Variants in EXOC8 observed in about 807,000 individuals in gnomAD.
EXOC8 encodes the protein exocyst complex component 8, also known as exocyst complex 84 kDa subunit.
EXOC8 carries 19 observed loss-of-function variants against 50.8 expected under a neutral mutation model. The ratio of observed to expected loss-of-function variants is 0.37; its 90% CI spans 0.26 to 0.55. The LOEUF is 0.55. EXOC8 is among the 20% of genes least tolerant of loss of function. The probability of loss-of-function intolerance (pLI) is 0.80; values close to 1 mark genes in which losing one functional copy is unlikely to be tolerated. For synonymous variants in EXOC8, 384 were observed against 367.9 expected (o/e 1.04, Z -0.50); for missense variants, 781 against 915.8 (o/e 0.85, Z 1.90).
chr1:231,336,353 TAAA>T lies in EXOC8; in HGVS notation c.1390_1392del (p.Phe464del). The stretch of plus-strand genomic sequence containing the variant: ...TCTCTTGCAGTCTCGAGAAGGCTGG[TAAA>T]GAAGACATGGCACAGCTTATGAATA... On this transcript the variant is annotated inframe_deletion, in exon 1 of 1. Coordinates refer to ENST00000366645, the MANE Select transcript of EXOC8 (RefSeq NM_175876.5). The surrounding 1 kb of genome is among the most constrained non-coding windows in gnomAD (Gnocchi z 5.4). 5 of 1,614,074 alleles carry T rather than the reference TAAA, an allele frequency of 3.1e-6. No homozygotes were observed. Among genetic ancestry groups the T allele is most frequent in the Non-Finnish European group, 3.4e-6 (4 of 1,180,038 alleles).
rs1392324110 is a variant in EXOC8 at position 231,337,838 on chromosome 1, T to G, written c.-93A>C. 2.0e-6 allele frequency: 3 copies of G among 1,470,098 alleles called. No individual in the cohort carries two copies. In the African/African-American group the frequency reaches 4.3e-5, roughly 21 times the overall value. 91.1% of individuals were successfully genotyped at this position (1,470,098 alleles called of 1,614,324 possible). A position where few individuals can be genotyped will look rare whatever the true frequency, so the allele number is the denominator to read the frequency against. On this transcript the variant is annotated 5_prime_UTR_variant, in exon 1 of 1. Coordinates refer to ENST00000366645, the MANE Select transcript of EXOC8 (RefSeq NM_175876.5). The surrounding 1 kb of genome is among the most constrained non-coding windows in gnomAD (Gnocchi z 5.9). ...CCCAAGGCCAACCGAGCTCCTGGGC[T>G]GAGGAAGCAGGAATGGGAACGAGAC... is the stretch of plus-strand genomic sequence containing the variant.
Position 231,336,681 on chromosome 1 carries a change from C to T in EXOC8, c.1065G>A (p.Gly355=). The change falls in exon 1 of 1, where the codon GGG becomes GGA. Residue 355 remains glycine, a synonymous_variant. Transcript: ENST00000366645. The surrounding 1 kb of genome is among the most constrained non-coding windows in gnomAD (Gnocchi z 5.4). ...TCAATTTATCCAGCAGGTCAACCGCCCCTTCAAAGTCTCTCTGCGCAATGC... is the reference window on the plus strand; with the variant it reads ...TCAATTTATCCAGCAGGTCAACCGCTCCTTCAAAGTCTCTCTGCGCAATGC... ...DVCIAQRDFE[G]AVDLLDKLNH... 1 of 1,614,214 alleles carries T rather than the reference C, an allele frequency of 6.2e-7. No individual in the cohort carries two copies.
At position 231,336,730 on chromosome 1, in the gene EXOC8, T is replaced by C; in HGVS notation, c.1016A>G (p.Glu339Gly). The stretch of plus-strand genomic sequence containing the variant: ...GCAGACATCCAGGTCTTCAGGTAAC[T>C]CCTGGATCCATTCCATGGAGAGGTC... ...KVDLSMEWIQ[E>G]LPEDLDVCIA... The change falls in exon 1 of 1, where the codon GAG (glutamate) becomes GGG (glycine). Residue 339 changes from glutamate to glycine, a missense_variant. By Grantham distance (98) the Glu-to-Gly change is moderately conservative. Around this residue, in one of 3 missense-constraint regions of EXOC8, gnomAD observed 700 missense variants for 804.1 expected, o/e 0.87. Transcript: ENST00000366645. The surrounding 1 kb of genome is among the most constrained non-coding windows in gnomAD (Gnocchi z 5.4). The C allele has an allele frequency of 6.2e-7, 1 of 1,614,196 alleles. No homozygotes were observed. Among genetic ancestry groups the C allele is most frequent in the Non-Finnish European group, 8.5e-7 (1 of 1,180,036 alleles).
chr1:231,337,522 C>T lies in EXOC8; in HGVS notation c.224G>A (p.Arg75His), dbSNP rs1332894409. The change falls in exon 1 of 1, where the codon CGC becomes CAC. Residue 75 changes from arginine to histidine, a missense_variant. This residue lies in a region of EXOC8 where 700 missense variants were observed against 804.1 expected (regional missense o/e 0.87). Coordinates refer to ENST00000366645, the MANE Select transcript of EXOC8 (RefSeq NM_175876.5). The surrounding 1 kb of genome is among the most constrained non-coding windows in gnomAD (Gnocchi z 5.9). ...CTCGCTCTCCAGGTAGGAGATCTCG[C>T]GGGCCGTCTCTATGAACTGCCGGTA... ...QNYRQFIETA[R>H]EISYLESEMY... 4 of 1,613,268 alleles carry T rather than the reference C, an allele frequency of 2.5e-6. No individual in the cohort carries two copies. Among genetic ancestry groups the T allele is most frequent in the African/African-American group, 2.7e-5 (2 of 74,874 alleles).
In EXOC8 at chr1:231,335,698, T is replaced by G; in HGVS notation, c.2048A>C (p.Glu683Ala). 3 of 1,614,184 alleles carry G rather than the reference T, an allele frequency of 1.9e-6. No individual in the cohort carries two copies. Among genetic ancestry groups the G allele is most frequent in the Non-Finnish European group, 2.5e-6 (3 of 1,180,032 alleles). The change falls in exon 1 of 1, where the codon GAA (glutamate) becomes GCA (alanine). Residue 683 changes from glutamate to alanine, a missense_variant. By Grantham distance (107) the Glu-to-Ala change is moderately radical. Around this residue, in one of 3 missense-constraint regions of EXOC8, gnomAD observed 79 missense variants for 95.3 expected, o/e 0.83. Transcript: ENST00000366645. Reference protein sequence around the residue: ...FIRQNASFLYETVLPVVEKRF... With the variant: ...FIRQNASFLYATVLPVVEKRF... Reference sequence around the variant, plus strand: ...TTTCTCCACCACAGGGAGGACTGTTTCATATAAAAAGGATGCATTCTGTCT... The same window carrying G: ...TTTCTCCACCACAGGGAGGACTGTTGCATATAAAAAGGATGCATTCTGTCT...
chr1:231,337,380 C>G lies in EXOC8; in HGVS notation c.366G>C (p.Glu122Asp). 1 of 1,603,674 alleles carries G rather than the reference C, an allele frequency of 6.2e-7. No individual in the cohort carries two copies. Among genetic ancestry groups the G allele is most frequent in the Non-Finnish European group, 8.5e-7 (1 of 1,179,588 alleles). ...AGAAAASGGE[E>D]GVGGAGGRDH... ...CTCGGCCCCCCGCCCCACCGACTCC[C>G]TCCTCCCCTCCAGAGGCGGCGGCGG... The change falls in exon 1 of 1, where the codon GAG becomes GAC. Residue 122 changes from glutamate to aspartate, a missense_variant. By Grantham distance (45) the Glu-to-Asp change is conservative. This residue lies in a region of EXOC8 where 700 missense variants were observed against 804.1 expected (regional missense o/e 0.87). Transcript: ENST00000366645. The surrounding 1 kb of genome is among the most constrained non-coding windows in gnomAD (Gnocchi z 5.9).
In EXOC8 at chr1:231,336,670, A is replaced by C. The variant is rs781359798; in HGVS notation, c.1076T>G (p.Leu359Arg). Reference protein sequence around the residue: ...AQRDFEGAVDLLDKLNHYLED... With the variant: ...AQRDFEGAVDRLDKLNHYLED... ...CAGGTAATGGTTCAATTTATCCAGC[A>C]GGTCAACCGCCCCTTCAAAGTCTCT... The change falls in exon 1 of 1, where the codon CTG becomes CGG. Residue 359 changes from leucine (L) to arginine (R), a missense_variant. This residue lies in a region of EXOC8 where 700 missense variants were observed against 804.1 expected (regional missense o/e 0.87). Coordinates refer to ENST00000366645, the MANE Select transcript of EXOC8 (RefSeq NM_175876.5). The surrounding 1 kb of genome is among the most constrained non-coding windows in gnomAD (Gnocchi z 5.4). The C allele has an allele frequency of 8.7e-6, 14 of 1,614,082 alleles. No individual in the cohort carries two copies. Among genetic ancestry groups the C allele is most frequent in the Non-Finnish European group, 1.1e-5 (13 of 1,180,042 alleles).
Position 231,333,935 on chromosome 1 carries a change from A to G in EXOC8, c.*1633T>C, listed in dbSNP as rs564245216. ...ATAAAAGAAATGACCTTTTGAAATC[A>G]TGGGCATCAAATTTGGTGCTTATGG... On this transcript the variant is annotated 3_prime_UTR_variant, in exon 1 of 1. Transcript: ENST00000366645. 1 of 152,320 alleles carries G rather than the reference A, an allele frequency of 6.6e-6. No individual in the cohort carries two copies. Among genetic ancestry groups the G allele is most frequent in the African/African-American group, 2.4e-5 (1 of 41,572 alleles). The allele number at this position is 152,320 out of a possible 1,614,324, so 9.4% of individuals were successfully genotyped here.
Position 231,337,189 on chromosome 1 carries a change from T to C in EXOC8, c.557A>G (p.Asn186Ser), listed in dbSNP as rs369125152. ...LETPGQYLVYNGDLVEYDADH... is the reference protein window; with the variant it reads ...LETPGQYLVYSGDLVEYDADH... ...CGCATCGTATTCCACTAGGTCCCCA[T>C]TGTACACCAAGTACTGTCCCGGCGT... is the stretch of plus-strand genomic sequence containing the variant. The change falls in exon 1 of 1, where the codon AAT (asparagine) becomes AGT (serine). Residue 186 changes from asparagine to serine, a missense_variant. Physicochemically the swap from Asn to Ser is conservative, Grantham distance 46. Around this residue, in one of 3 missense-constraint regions of EXOC8, gnomAD observed 700 missense variants for 804.1 expected, o/e 0.87. Coordinates refer to ENST00000366645, the MANE Select transcript of EXOC8 (RefSeq NM_175876.5). The surrounding 1 kb of genome is among the most constrained non-coding windows in gnomAD (Gnocchi z 5.9). The C allele has an allele frequency of 1.6e-5, 26 of 1,613,958 alleles. No homozygotes were observed. Among genetic ancestry groups the C allele is most frequent in the African/African-American group, 1.3e-4 (10 of 74,924 alleles).
chr1:231,335,693 C>T lies in EXOC8; in HGVS notation c.2053G>A (p.Val685Ile), dbSNP rs755820261. The change falls in exon 1 of 1, where the codon GTC becomes ATC. Residue 685 changes from valine to isoleucine, a missense_variant. By Grantham distance (29) the Val-to-Ile change is conservative. This residue lies in a region of EXOC8 where 79 missense variants were observed against 95.3 expected (regional missense o/e 0.83). Coordinates refer to ENST00000366645, the MANE Select transcript of EXOC8 (RefSeq NM_175876.5). The stretch of plus-strand genomic sequence containing the variant: ...AACCTTTTCTCCACCACAGGGAGGA[C>T]TGTTTCATATAAAAAGGATGCATTC... ...RQNASFLYET[V>I]LPVVEKRFEE... The T allele has an allele frequency of 1.9e-6, 3 of 1,614,180 alleles. No individual in the cohort carries two copies. The highest frequency in any genetic ancestry group is 2.2e-5 in the East Asian group (1 of 44,892).
rs1018988116 is a variant in EXOC8 at position 231,337,426 on chromosome 1, G to A, written c.320C>T (p.Pro107Leu). ...GGCGGCTCCGGCGGCAGCAGCGGCA[G>A]GCAGCAACGTAAGCGGGATGCTCTC... is the stretch of plus-strand genomic sequence containing the variant. ...SLESIPLTLLPAAAAAGAAAA... is the reference protein window; with the variant it reads ...SLESIPLTLLLAAAAAGAAAA... Residue 107 changes from proline to leucine, a missense_variant, in exon 1 of 1, where the codon CCT becomes CTT. By Grantham distance (98) the Pro-to-Leu change is moderately conservative. Around this residue, in one of 3 missense-constraint regions of EXOC8, gnomAD observed 700 missense variants for 804.1 expected, o/e 0.87. Transcript: ENST00000366645. The surrounding 1 kb of genome is among the most constrained non-coding windows in gnomAD (Gnocchi z 5.9). The A allele has an allele frequency of 6.2e-7, 1 of 1,608,220 alleles. No individual in the cohort carries two copies. Among genetic ancestry groups the A allele is most frequent in the Admixed American group, 1.7e-5 (1 of 59,968 alleles).
chr1:231,336,912 C>A lies in EXOC8; in HGVS notation c.834G>T (p.Glu278Asp), dbSNP rs148098436. ...KIKREWLEVLEDTKRALSEKR... is the reference protein window; with the variant it reads ...KIKREWLEVLDDTKRALSEKR... The stretch of plus-strand genomic sequence containing the variant: ...TCTCACTGAGGGCCCTCTTGGTGTC[C>A]TCCAGCACTTCCAGCCACTCTCGTT... The change falls in exon 1 of 1, where the codon GAG becomes GAT. Residue 278 changes from glutamate (E) to aspartate (D), a missense_variant. Glu to Asp is a conservative substitution (Grantham distance 45). Transcript: ENST00000366645. This position sits in a 1 kb window ranked among gnomAD's most constrained non-coding sequence, Gnocchi z 5.4. 14 of 1,614,046 alleles carry A rather than the reference C, an allele frequency of 8.7e-6. No individual in the cohort carries two copies. The highest frequency in any genetic ancestry group is 1.7e-5 in the Admixed American group (1 of 60,012).
In EXOC8 at chr1:231,336,185, ACT is replaced by A; in HGVS notation, c.1559_1560del (p.Glu520ValfsTer6). 1 of 1,614,106 alleles carries A rather than the reference ACT, an allele frequency of 6.2e-7. No homozygotes were observed. The highest frequency in any genetic ancestry group is 8.5e-7 in the Non-Finnish European group (1 of 1,180,006). ...CAATGCTCCTTAGCCACTTTTACAC[ACT>A]CAGCTGCTGTAGAGAGGCTCTCCTT... Reference protein sequence around the residue: ...DSKESLSTAAECVKVAKEHCQ... With the variant: ...DSKESLSTAAXCVKVAKEHCQ... On this transcript the variant is annotated frameshift_variant, in exon 1 of 1. Coordinates refer to ENST00000366645, the MANE Select transcript of EXOC8 (RefSeq NM_175876.5). LOFTEE classifies it high-confidence loss of function. The surrounding 1 kb of genome is among the most constrained non-coding windows in gnomAD (Gnocchi z 5.4).
Position 231,336,627 on chromosome 1 carries a change from T to G in EXOC8, c.1119A>C (p.Pro373=), listed in dbSNP as rs1199001007. The change falls in exon 1 of 1, where the codon CCA becomes CCC. Residue 373 remains proline, a synonymous_variant. Coordinates refer to ENST00000366645, the MANE Select transcript of EXOC8 (RefSeq NM_175876.5). This position sits in a 1 kb window ranked among gnomAD's most constrained non-coding sequence, Gnocchi z 5.4. ...LNHYLEDKPS[P]PPVKELRAKV... is the part of the protein sequence containing the mutation. Reference sequence around the variant, plus strand: ...TGGCCCTTAGTTCTTTTACAGGAGGTGGGCTAGGTTTATCTTCCAGGTAAT... The same window carrying G: ...TGGCCCTTAGTTCTTTTACAGGAGGGGGGCTAGGTTTATCTTCCAGGTAAT... 6.2e-7 allele frequency: 1 copy of G among 1,614,074 alleles called. No individual in the cohort carries two copies. The highest frequency in any genetic ancestry group is 1.7e-5 in the Admixed American group (1 of 60,006).
Position 231,335,617 on chromosome 1 carries a change from G to A in EXOC8, c.2129C>T (p.Ala710Val). The change falls in exon 1 of 1, where the codon GCA becomes GTA. Residue 710 changes from alanine (A) to valine (V), a missense_variant. Physicochemically the swap from Ala to Val is moderately conservative, Grantham distance 64. Around this residue, in one of 3 missense-constraint regions of EXOC8, gnomAD observed 79 missense variants for 95.3 expected, o/e 0.83. Coordinates refer to ENST00000366645, the MANE Select transcript of EXOC8 (RefSeq NM_175876.5). ...PAKQLQDLRN[A>V]SRLIRVNPES... is the part of the protein sequence containing the mutation. ...AGGATTCACACGAATAAGTCTAGAT[G>A]CATTCCTCAGATCTTGGAGTTGCTT... is the stretch of plus-strand genomic sequence containing the variant. The A allele has an allele frequency of 6.2e-7, 1 of 1,613,916 alleles. No individual in the cohort carries two copies. The highest frequency in any genetic ancestry group is 8.5e-7 in the Non-Finnish European group (1 of 1,179,862).
Position 231,337,656 on chromosome 1 carries a change from C to G in EXOC8, c.90G>C (p.Gln30His), listed in dbSNP as rs1558358765. The G allele has an allele frequency of 6.2e-7, 1 of 1,609,950 alleles. No individual in the cohort carries two copies. Among genetic ancestry groups the G allele is most frequent in the Admixed American group, 1.7e-5 (1 of 60,028 alleles). The change falls in exon 1 of 1, where the codon CAG (glutamine) becomes CAC (histidine). Residue 30 changes from glutamine (Q) to histidine (H), a missense_variant. By Grantham distance (24) the Gln-to-His change is conservative (BLOSUM62 0). Coordinates refer to ENST00000366645, the MANE Select transcript of EXOC8 (RefSeq NM_175876.5). The surrounding 1 kb of genome is among the most constrained non-coding windows in gnomAD (Gnocchi z 5.9). ...GGTCCCCATCCGACTGCTGCGAGAG[C>G]TGCTTCACGTACAGCCGCGCCTCAA... ...GGFEARLYVK[Q>H]LSQQSDGDRD...
rs773617188 is a variant in EXOC8 at position 231,337,149 on chromosome 1, T to C, written c.597A>G (p.Gln199=). Residue 199 remains glutamine (Q), a synonymous_variant, in exon 1 of 1, where the codon CAA becomes CAG. Coordinates refer to ENST00000366645, the MANE Select transcript of EXOC8 (RefSeq NM_175876.5). The surrounding 1 kb of genome is among the most constrained non-coding windows in gnomAD (Gnocchi z 5.9). ...LVEYDADHMA[Q]LQRVHGFLMN... ...TGAGAAAGCCGTGCACCCGCTGCAG[T>C]TGGGCCATGTGGTCCGCATCGTATT... 6 of 1,614,172 alleles carry C rather than the reference T, an allele frequency of 3.7e-6. No homozygotes were observed. The highest frequency in any genetic ancestry group is 2.7e-5 in the African/African-American group (2 of 75,066).
rs745648757 is a variant in EXOC8 at position 231,337,668 on chromosome 1, C to T, written c.78G>A (p.Leu26=). 6.2e-7 allele frequency: 1 copy of T among 1,609,786 alleles called. No homozygotes were observed. Among genetic ancestry groups the T allele is most frequent in the Non-Finnish European group, 8.5e-7 (1 of 1,179,944 alleles). ...QLESGGFEAR[L]YVKQLSQQSD... ...ACTGCTGCGAGAGCTGCTTCACGTACAGCCGCGCCTCAAAACCCCCTGACT... is the reference window on the plus strand; with the variant it reads ...ACTGCTGCGAGAGCTGCTTCACGTATAGCCGCGCCTCAAAACCCCCTGACT... The change falls in exon 1 of 1, where the codon CTG becomes CTA. Residue 26 remains leucine, a synonymous_variant. Transcript: ENST00000366645. The surrounding 1 kb of genome is among the most constrained non-coding windows in gnomAD (Gnocchi z 5.9).
Position 231,335,552 on chromosome 1 carries a change from T to A in EXOC8, c.*16A>T. 1.3e-6 allele frequency: 2 copies of A among 1,582,018 alleles called. No homozygotes were observed. On this transcript the variant is annotated 3_prime_UTR_variant, in exon 1 of 1. Coordinates refer to ENST00000366645, the MANE Select transcript of EXOC8 (RefSeq NM_175876.5). ...CTCTCTCTCTGCATATATACACATA[T>A]AAACAGACCCAAGCATTAGACCACT...
Sources: allele counts gnomAD v4.1 joint callset, GRCh38; gene constraint gnomAD v4.1.1; regional missense constraint gnomAD v4.1.1; non-coding constraint Gnocchi (gnomAD v3.1); transcripts MANE v1.5; gene names NCBI Gene and HGNC (gene_info 2026-07-23, HGNC 2026-07-21).